GMDS: variants seen among roughly 807,000 people sequenced by gnomAD.
GMDS encodes GDP-mannose 4,6 dehydratase.
Under a neutral mutation model 49.9 loss-of-function variants are expected in GMDS, and 20 were observed. The observed-to-expected ratio is 0.40, with a 90% confidence interval of 0.28 to 0.58. The LOEUF (loss-of-function observed/expected upper bound fraction) is 0.58. GMDS is among the 20% of genes least tolerant of loss of function. The pLI, the probability that GMDS is intolerant of heterozygous loss-of-function variation, is 0.42. For synonymous variants in GMDS, 177 were observed against 178.6 expected (o/e 0.99, Z 0.07); for missense variants, 362 against 481.4 (o/e 0.75, Z 2.32).
At chr6:1,865,946 G>A (rs939886064) in intron 7 of GMDS, among the ~76,000 whole-genome samples, 2 of 152,138 alleles carry the variant, frequency 1.3e-5, no homozygotes, top group Non-Finnish European at 2.9e-5. Flanking sequence ...TACCAACACA[G>A]AAAAACACTA....
intron 1 of GMDS, among the ~76,000 whole-genome samples, chr6:2,174,858 C>T (rs1312178604): frequency 6.6e-6 from 1 of 152,032 alleles, no homozygotes; most frequent in Non-Finnish European, 1.5e-5. Context: ...CATGATCCAC[C>T]ATGCCTGGCC....
intron 8 of GMDS, among the ~76,000 whole-genome samples, chr6:1,738,803 C>G (rs553313003): frequency 1.3e-5 from 2 of 152,366 alleles, no homozygotes; most frequent in African/African-American, 4.8e-5. Context: ...GCTCCTCTCC[C>G]TCTCCATGTT....
chr6:2,181,174 C>CAAA (rs755377915), intron 1 of GMDS, among the ~76,000 whole-genome samples: 26 of 51,248 alleles, frequency 5.1e-4, no homozygotes, highest in African/African-American at 1.1e-3. Context: ...GACTCCATCT[C>CAAA]AAAAAAAAAA....
chr6:1,688,874 G>A (rs1561730282), intron 9 of GMDS, among the ~76,000 whole-genome samples: 1 of 152,108 alleles, frequency 6.6e-6, no homozygotes, highest in Non-Finnish European at 1.5e-5. Flanking sequence ...ACATATTCCT[G>A]CAAGTTTTGG....
chr6:2,206,519 T>C (rs930381389), intron 1 of GMDS, among the ~76,000 whole-genome samples: 4 of 152,182 alleles, frequency 2.6e-5, no homozygotes, highest in Admixed American at 6.5e-5. Context: ...AGGAAACAAG[T>C]TGAACAGAGT....
chr6:1,708,158 C>CT (rs1456370432), intron 9 of GMDS, among the ~76,000 whole-genome samples: 4 of 152,176 alleles, frequency 2.6e-5, no homozygotes, highest in African/African-American at 9.7e-5. Context: ...TCCTGGGGCT[C>CT]TGAGGGCCAT....
At chr6:1,644,274 C>A (rs1449051734) in intron 9 of GMDS, among the ~76,000 whole-genome samples, 1 of 152,222 alleles carries the variant, frequency 6.6e-6, no homozygotes, top group Non-Finnish European at 1.5e-5. Context: ...GATGGCACTG[C>A]AGCTGTGACT....
intron 1 of GMDS, among the ~76,000 whole-genome samples, chr6:2,242,053 A>T (rs1466717955): frequency 1.3e-5 from 2 of 152,258 alleles, no homozygotes; most frequent in Non-Finnish European, 2.9e-5. Context: ...ATCTCAAGAC[A>T]AAAGATATGA....
chr6:1,939,621 A>T (rs1461225854), intron 6 of GMDS, among the ~76,000 whole-genome samples: 1 of 151,486 alleles, frequency 6.6e-6, no homozygotes, highest in East Asian at 1.9e-4. Context: ...ACACACACAG[A>T]GTCCATGTTA....
chr6:1,930,806 A>G (rs939871041), intron 6 of GMDS: 1 of 152,212 alleles, frequency 6.6e-6, no homozygotes, highest in Non-Finnish European at 1.5e-5. Flanking sequence ...TTATTTAGAA[A>G]CCTGCACAGC....
chr6:1,838,348 T>C (rs1165174427), intron 7 of GMDS, among the ~76,000 whole-genome samples: 1 of 152,258 alleles, frequency 6.6e-6, no homozygotes, highest in Non-Finnish European at 1.5e-5. Flanking sequence ...ATGTTTGCTA[T>C]GTAGTTCTCT....
intron 7 of GMDS, among the ~76,000 whole-genome samples, chr6:1,761,787 C>T (rs188195866): frequency 1.8e-4 from 28 of 152,236 alleles, no homozygotes; most frequent in Admixed American, 1.3e-3. Flanking sequence ...TGGGAAATCT[C>T]GCTCACAATG....
At chr6:2,245,258 C>T in intron 1 of GMDS, 63 bp downstream of exon 1, 2 of 1,108,990 alleles carry the variant, frequency 1.8e-6, no homozygotes, top group Non-Finnish European at 2.6e-6. Context: ...CGAGTAGCGG[C>T]GCGTAGGGAG....
At chr6:2,103,517 A>C (rs1774045841) in intron 4 of GMDS, among the ~76,000 whole-genome samples, 1 of 152,198 alleles carries the variant, frequency 6.6e-6, no homozygotes, top group South Asian at 2.1e-4. Context: ...ATGTTTTCCT[A>C]AACAATGTTA....
At chr6:2,198,470 G>A (rs887123513) in intron 1 of GMDS, among the ~76,000 whole-genome samples, 1 of 151,632 alleles carries the variant, frequency 6.6e-6, no homozygotes, top group South Asian at 2.1e-4. Flanking sequence ...AAATGTCAAA[G>A]TATGCTAAGA....
intron 7 of GMDS, among the ~76,000 whole-genome samples, chr6:1,799,189 G>A (rs1025729016): frequency 6.6e-6 from 1 of 152,158 alleles, no homozygotes; most frequent in South Asian, 2.1e-4. Context: ...TGGAGGGTGC[G>A]GGTGGTGAGG....
chr6:1,865,740 G>A (rs888314221), intron 7 of GMDS, among the ~76,000 whole-genome samples: 9 of 152,144 alleles, frequency 5.9e-5, no homozygotes, highest in South Asian at 2.1e-4. Flanking sequence ...TCCACCCAGC[G>A]AAGCGGTCTG....
chr6:1,957,809 C>T lies in GMDS; in HGVS notation c.643+2058G>A, dbSNP rs548052206. Among the ~76,000 whole-genome samples the T allele has an allele frequency of 3.3e-3, 501 of 152,130 alleles. 2 individuals carry two copies. The highest frequency in any genetic ancestry group is 0.012 in the African/African-American group (486 of 41,484). On this transcript the variant is annotated intron_variant, in intron 6 of 10. Transcript: ENST00000380815. ...TAGAACATTTTTTATTACTTTAAAA[C>T]AATTTTTTTAGAGACAGGGGTCTCA...
chr6:1,750,067 G>A (rs1340105511), intron 7 of GMDS, among the ~76,000 whole-genome samples: 1 of 152,130 alleles, frequency 6.6e-6, no homozygotes, highest in African/African-American at 2.4e-5. Flanking sequence ...CTGGCCTCAA[G>A]AAATCTTCCT....
Sources: gnomAD v4.1 joint callset for allele counts (sites outside exome capture counted in the v4.1 genomes callset) on GRCh38, gnomAD v4.1.1 for gene constraint, MANE v1.5 for transcripts, NCBI Gene and HGNC (gene_info 2026-07-23, HGNC 2026-07-21) for gene names.